ZC3H15: variants seen among roughly 807,000 people sequenced by gnomAD.
ZC3H15 encodes the protein zinc finger CCCH-type containing 15, also known as zinc finger CCCH domain-containing protein 15.
In ZC3H15, 15 loss-of-function variants were observed where a neutral mutation model predicts 51.2. That is an observed-to-expected ratio of 0.29 (90% confidence interval 0.20 to 0.45). The LOEUF (loss-of-function observed/expected upper bound fraction) is 0.45. Ranked by LOEUF, ZC3H15 falls within the 20% of genes least tolerant of loss-of-function variation. The pLI, the probability that ZC3H15 is intolerant of heterozygous loss-of-function variation, is 1.00. For missense variants in ZC3H15, 381 were observed against 494.7 expected (o/e 0.77, Z 2.18); for synonymous variants, 144 against 162.8 (o/e 0.88, Z 0.88).
At chr2:186,494,498 G>C (rs1360180274) in intron 1 of ZC3H15, among the ~76,000 whole-genome samples, 1 of 152,152 alleles carries the variant, frequency 6.6e-6, no homozygotes, top group Non-Finnish European at 1.5e-5. Context: ...ATTTGGAGGT[G>C]CTGCATATTA....
At position 186,495,258 on chromosome 2, in the gene ZC3H15, A is replaced by G. The variant is rs765009348; in HGVS notation, c.101A>G (p.Lys34Arg). 2 of 1,550,076 alleles carry G rather than the reference A, an allele frequency of 1.3e-6. No individual in the cohort carries two copies. Among genetic ancestry groups the G allele is most frequent in the East Asian group, 4.9e-5 (2 of 40,588 alleles). ...GACAAAACTTTCGGTTTGAAGAATA[A>G]GAAAGGAGCAAAGCAACAGAAGTTT... is the stretch of plus-strand genomic sequence containing the variant. Reference protein sequence around the residue: ...IEDKTFGLKNKKGAKQQKFIK... With the variant: ...IEDKTFGLKNRKGAKQQKFIK... Residue 34 changes from lysine to arginine, a missense_variant, in exon 2 of 10, where the codon AAG becomes AGG. Lys to Arg is a conservative substitution (Grantham distance 26, BLOSUM62 2). This residue lies in a region of ZC3H15 where 125 missense variants were observed against 166.3 expected (regional missense o/e 0.75). Coordinates refer to ENST00000337859, the MANE Select transcript of ZC3H15 (RefSeq NM_018471.3).
At chr2:186,487,481 A>G (rs1377294219) in intron 1 of ZC3H15, 1 of 152,228 alleles carries the variant, frequency 6.6e-6, no homozygotes, top group Non-Finnish European at 1.5e-5. Flanking sequence ...AAGTCTGCTC[A>G]TTGGATTTAA....
chr2:186,505,953 A>G (rs1685460412), intron 8 of ZC3H15, 112 bp downstream of exon 8: 1 of 1,067,816 alleles, frequency 9.4e-7, no homozygotes, highest in Admixed American at 2.0e-5. Flanking sequence ...CTGGGTTCAA[A>G]TCCTTACTCC....
chr2:186,505,581 C>T lies in ZC3H15; in HGVS notation c.848C>T (p.Ala283Val). Residue 283 changes from alanine to valine, a missense_variant, in exon 7 of 10, where the codon GCA becomes GTA. Ala to Val is a moderately conservative substitution (Grantham distance 64). Coordinates refer to ENST00000337859, the MANE Select transcript of ZC3H15 (RefSeq NM_018471.3). ...DMERRKADFKAGKALVISGRE... is the reference protein window; with the variant it reads ...DMERRKADFKVGKALVISGRE... ...GAAAGAAGGAAAGCTGACTTCAAAG[C>T]AGGGAAAGCACTAGTGGTATGTCTC... The T allele has an allele frequency of 6.2e-7, 1 of 1,605,122 alleles. No individual in the cohort carries two copies. The highest frequency in any genetic ancestry group is 1.1e-5 in the South Asian group (1 of 89,378).
At chr2:186,500,092 G>T in intron 2 of ZC3H15, 90 bp from the exon 3 acceptor site, 2 of 1,032,482 alleles carry the variant, frequency 1.9e-6, no homozygotes, top group Non-Finnish European at 2.8e-6. Context: ...CTGTAAATAT[G>T]CAAGTGTCTT....
Position 186,508,555 on chromosome 2 carries a change from G to A in ZC3H15, c.1103G>A (p.Ser368Asn), listed in dbSNP as rs1408638025. 1 of 1,613,660 alleles carries A rather than the reference G, an allele frequency of 6.2e-7. No individual in the cohort carries two copies. The highest frequency in any genetic ancestry group is 1.7e-5 in the Admixed American group (1 of 59,916). ...TTTTTATATTTAGAAAACAAATTAAGTGAAGCTTCTGGAGGTAGGGCTGAA... is the reference window on the plus strand; with the variant it reads ...TTTTTATATTTAGAAAACAAATTAAATGAAGCTTCTGGAGGTAGGGCTGAA... Reference protein sequence around the residue: ...YTSDKDENKLSEASGGRAENG... With the variant: ...YTSDKDENKLNEASGGRAENG... Residue 368 changes from serine to asparagine, a missense_variant, in exon 10 of 10, where the codon AGT (serine) becomes AAT (asparagine). This residue lies in a region of ZC3H15 where 215 missense variants were observed against 241.8 expected (regional missense o/e 0.89). Coordinates refer to ENST00000337859, the MANE Select transcript of ZC3H15 (RefSeq NM_018471.3).
At chr2:186,502,997 A>G (rs1172039696) in intron 5 of ZC3H15, among the ~76,000 whole-genome samples, 3 of 152,314 alleles carry the variant, frequency 2.0e-5, no homozygotes, top group Non-Finnish European at 1.5e-5. Flanking sequence ...ATATTTCTAC[A>G]TATGAATTCC....
chr2:186,505,835 T>C lies in ZC3H15; in HGVS notation c.960T>C (p.Gly320=), dbSNP rs1685458233. ...CCCGCTACACCCAGGGAACAGGTGG[T>C]GATGAGGTAAGAGGAAGCTTTGTGC... ...DDTRYTQGTG[G]DEVDDSVSVN... Residue 320 remains glycine (G), a synonymous_variant, in exon 8 of 10, where the codon GGT becomes GGC. Transcript: ENST00000337859. 2 of 1,613,704 alleles carry C rather than the reference T, an allele frequency of 1.2e-6. No individual in the cohort carries two copies. The highest frequency in any genetic ancestry group is 1.7e-6 in the Non-Finnish European group (2 of 1,179,902).
chr2:186,494,792 G>A (rs1685255680), intron 1 of ZC3H15, among the ~76,000 whole-genome samples: 1 of 152,098 alleles, frequency 6.6e-6, no homozygotes, highest in Middle Eastern at 3.2e-3. Flanking sequence ...GACACAGGAA[G>A]GGGAACATCA....
At chr2:186,503,331 A>G (rs1419985785) in intron 5 of ZC3H15, among the ~76,000 whole-genome samples, 1 of 152,050 alleles carries the variant, frequency 6.6e-6, no homozygotes, top group Non-Finnish European at 1.5e-5. Flanking sequence ...ACTGCTTGTG[A>G]TTCATTTTTA....
chr2:186,497,983 C>A (rs1389681731), intron 2 of ZC3H15, among the ~76,000 whole-genome samples: 2 of 152,064 alleles, frequency 1.3e-5, no homozygotes, highest in Admixed American at 1.3e-4. Flanking sequence ...CTGCTGTCTC[C>A]CCTCAGGTAA....
rs747476192 is a variant in ZC3H15, at chr2:186,504,238, A to G, written c.717+24A>G. 1.1e-5 allele frequency: 17 copies of G among 1,525,232 alleles called. No individual in the cohort carries two copies. In the South Asian group the frequency reaches 2.0e-4, roughly 18 times the overall value. 94.5% of individuals were successfully genotyped at this position (1,525,232 alleles called of 1,614,324 possible). On this transcript the variant is annotated intron_variant, in intron 6 of 9. Coordinates refer to ENST00000337859, the MANE Select transcript of ZC3H15 (RefSeq NM_018471.3). ...AGGTAACTGGTATCCTTTTCCTACCATAAAAACTGAAAGCAGTATTTATTG... is the reference window on the plus strand; with the variant it reads ...AGGTAACTGGTATCCTTTTCCTACCGTAAAAACTGAAAGCAGTATTTATTG...
At chr2:186,495,562 A>G (rs967768135) in intron 2 of ZC3H15, among the ~76,000 whole-genome samples, 1 of 152,180 alleles carries the variant, frequency 6.6e-6, no homozygotes, top group Non-Finnish European at 1.5e-5. Context: ...GTTCTACAGT[A>G]CAGGTGTGTT....
Position 186,508,704 on chromosome 2 carries a change from G to A in ZC3H15, c.1252G>A (p.Glu418Lys), listed in dbSNP as rs1685506456. ...TGEDLDELEE[E>K]LNTLDLEE ...AGAGGATTTGGATGAACTAGAAGAA[G>A]AATTAAATACACTTGATTTAGAAGA... The change falls in exon 10 of 10, where the codon GAA becomes AAA. Residue 418 changes from glutamate (E) to lysine (K), a missense_variant. Coordinates refer to ENST00000337859, the MANE Select transcript of ZC3H15 (RefSeq NM_018471.3). 1 of 1,613,938 alleles carries A rather than the reference G, an allele frequency of 6.2e-7. No individual in the cohort carries two copies. Among genetic ancestry groups the A allele is most frequent in the Non-Finnish European group, 8.5e-7 (1 of 1,179,926 alleles).
At chr2:186,497,247 A>G (rs1008856050) in intron 2 of ZC3H15, 1 of 355,356 alleles carries the variant, frequency 2.8e-6, no homozygotes, top group Non-Finnish European at 5.3e-6. Flanking sequence ...AAATCTGCTA[A>G]TATGTATTTG....
At chr2:186,497,677 C>A (rs992846729) in intron 2 of ZC3H15, among the ~76,000 whole-genome samples, 1 of 152,120 alleles carries the variant, frequency 6.6e-6, no homozygotes, top group African/African-American at 2.4e-5. Flanking sequence ...TTCACTTAGC[C>A]CCTTTTTCAA....
Position 186,500,208 on chromosome 2 carries a change from A to G in ZC3H15, c.204A>G (p.Lys68=). The change falls in exon 3 of 10, where the codon AAA becomes AAG. Residue 68 remains lysine (K), a synonymous_variant. Transcript: ENST00000337859. ...RQVAQSEAEK[K]LKKDDKKKEL... ...TAGCACAGAGTGAAGCTGAAAAGAA[A>G]TTGAAGAAGGATGACAAGAAGAAAG... 1 of 1,613,608 alleles carries G rather than the reference A, an allele frequency of 6.2e-7. No homozygotes were observed. The highest frequency in any genetic ancestry group is 1.3e-5 in the African/African-American group (1 of 75,038).
Position 186,486,418 on chromosome 2 carries a change from CA to C in ZC3H15, c.41del (p.Lys14ArgfsTer18), listed in dbSNP as rs1283512696. 2.6e-6 allele frequency: 4 copies of C among 1,563,398 alleles called. No individual in the cohort carries two copies. The highest frequency in any genetic ancestry group is 1.9e-5 in the Admixed American group (1 of 53,772). On this transcript the variant is annotated frameshift_variant, in exon 1 of 10. Coordinates refer to ENST00000337859, the MANE Select transcript of ZC3H15 (RefSeq NM_018471.3). LOFTEE classifies it high-confidence loss of function. ...PKKQAQAGGSKKAEQKKKEKI... is the reference protein window; with the variant it reads ...PKKQAQAGGSXKAEQKKKEKI... ...AGAAACAGGCTCAGGCCGGGGGCAG[CA>C]AAAAGGCGGAGCAAAAAAAGAAGGA... is the stretch of plus-strand genomic sequence containing the variant.
chr2:186,486,536 C>G (rs1198193551), intron 1 of ZC3H15, 79 bp downstream of exon 1: 4 of 1,452,112 alleles, frequency 2.8e-6, no homozygotes, highest in Non-Finnish European at 3.7e-6. Context: ...CCCTGGGAGC[C>G]GGCTCGCTTC....
Sources: gnomAD v4.1 joint callset for allele counts (sites outside exome capture counted in the v4.1 genomes callset) on GRCh38, gnomAD v4.1.1 for gene constraint, gnomAD v4.1.1 regional missense constraint, MANE v1.5 for transcripts, NCBI Gene and HGNC (gene_info 2026-07-23, HGNC 2026-07-21) for gene names.